ERC1: variants seen among roughly 807,000 people sequenced by gnomAD.
ERC1 encodes RAB6 interacting protein 2.
A neutral mutation model predicts 132.0 loss-of-function variants in ERC1; 56 were observed. The ratio of observed to expected loss-of-function variants is 0.42; its 90% CI spans 0.34 to 0.53. ERC1 has a LOEUF of 0.53. ERC1 is among the 20% of genes least tolerant of loss of function. ERC1 has a pLI of 0.03. For missense variants in ERC1, 1,202 were observed against 1,349.9 expected (o/e 0.89, Z 1.72); for synonymous variants, 478 against 476.1 (o/e 1.00, Z -0.05).
Position 1,110,355 on chromosome 12 carries a change from C to A in ERC1, c.1317+8C>A, listed in dbSNP as rs1309638367. 5 of 1,582,268 alleles carry A rather than the reference C, an allele frequency of 3.2e-6. No homozygotes were observed. In the African/African-American group the frequency reaches 5.5e-5, roughly 17 times the overall value. On this transcript the variant is annotated splice_region_variant and intron_variant, in intron 5 of 18. Transcript: ENST00000360905. ...AAATTTATGAAAAATAAGGTAATGG[C>A]ATGTGAGACTTTTGATTCTTAAAAG...
chr12:1,138,302 ATGT>A (rs1420685174), intron 7 of ERC1, among the ~76,000 whole-genome samples: 1 of 138,196 alleles, frequency 7.2e-6, no homozygotes, highest in Non-Finnish European at 1.5e-5. Flanking sequence ...TATATAATAT[ATGT>A]TGTATATAAT....
chr12:1,105,482 C>T (rs1945150164), intron 4 of ERC1, among the ~76,000 whole-genome samples: 1 of 152,116 alleles, frequency 6.6e-6, no homozygotes, highest in Admixed American at 6.5e-5. Context: ...CTCAGCCTCC[C>T]AAGTAGCTGG....
At chr12:1,380,496 A>G (rs1436436628) in intron 16 of ERC1, 1 of 152,242 alleles carries the variant, frequency 6.6e-6, no homozygotes, top group Non-Finnish European at 1.5e-5. Flanking sequence ...ACTCACACTC[A>G]GTCTTTAGGA....
At chr12:1,433,104 C>T (rs552701972) in intron 17 of ERC1, among the ~76,000 whole-genome samples, 8 of 152,188 alleles carry the variant, frequency 5.3e-5, no homozygotes, top group Middle Eastern at 3.4e-3. Context: ...CCACAGCAGC[C>T]GTTGCCAAAG....
chr12:1,082,527 T>C (rs1308943978), intron 2 of ERC1, among the ~76,000 whole-genome samples: 1 of 149,518 alleles, frequency 6.7e-6, no homozygotes, highest in Non-Finnish European at 1.5e-5. Flanking sequence ...TTCACTCTTG[T>C]TGCCCAGGCT....
chr12:1,268,474 A>G (rs901331894), intron 14 of ERC1, among the ~76,000 whole-genome samples: 9 of 152,188 alleles, frequency 5.9e-5, no homozygotes, highest in Non-Finnish European at 1.3e-4. Flanking sequence ...TGAACTTACA[A>G]TTATGGTTCT....
At chr12:1,468,332 G>A (rs1395545393) in intron 18 of ERC1, among the ~76,000 whole-genome samples, 1 of 152,164 alleles carries the variant, frequency 6.6e-6, no homozygotes, top group African/African-American at 2.4e-5. Context: ...GCCAGGTGCA[G>A]CGACTCACGC....
chr12:1,238,325 C>T (rs1023401662), intron 13 of ERC1, among the ~76,000 whole-genome samples: 3 of 152,046 alleles, frequency 2.0e-5, no homozygotes, highest in Non-Finnish European at 4.4e-5. Context: ...AGGTTTTCCT[C>T]CCATGGATTT....
chr12:1,116,245 T>C, intron 7 of ERC1: 1 of 416,916 alleles, frequency 2.4e-6, no homozygotes, highest in South Asian at 8.2e-5. Context: ...CAGTTTATGT[T>C]TTTAATTCTT....
chr12:1,372,214 T>A (rs1294187055), intron 16 of ERC1, among the ~76,000 whole-genome samples: 1 of 152,212 alleles, frequency 6.6e-6, no homozygotes. Flanking sequence ...TCTATGAGAA[T>A]GTTTTTTAAC....
At chr12:1,440,266 G>A (rs1042111908) in intron 17 of ERC1, among the ~76,000 whole-genome samples, 2 of 139,708 alleles carry the variant, frequency 1.4e-5, no homozygotes, top group Non-Finnish European at 3.0e-5. Flanking sequence ...GTGCAGTGGT[G>A]CCATCTCGGC....
At position 1,411,870 on chromosome 12, in the gene ERC1, G is replaced by A. The variant is rs373137590; in HGVS notation, c.3024+3623G>A. On this transcript the variant is annotated intron_variant, in intron 17 of 18. Transcript: ENST00000360905. ...AGCCTGTTGGTATTCTAGGAAACAGGCCTATAGGTAACTTCACCAGGAGAC... is the reference window on the plus strand; with the variant it reads ...AGCCTGTTGGTATTCTAGGAAACAGACCTATAGGTAACTTCACCAGGAGAC... 3.3e-5 allele frequency among the ~76,000 whole-genome samples: 5 copies of A among 151,912 alleles called. No individual in the cohort carries two copies. In the East Asian group the frequency reaches 7.7e-4, roughly 23 times the overall value.
chr12:1,018,971 A>T (rs539695463), intron 1 of ERC1, among the ~76,000 whole-genome samples: 5 of 152,206 alleles, frequency 3.3e-5, no homozygotes, highest in African/African-American at 7.2e-5. Flanking sequence ...GAAGAAGGTC[A>T]TGGAAACCAG....
intron 8 of ERC1, among the ~76,000 whole-genome samples, chr12:1,159,803 C>A (rs1367830020): frequency 6.6e-6 from 1 of 152,048 alleles, no homozygotes; most frequent in Non-Finnish European, 1.5e-5. Flanking sequence ...GATTCATGTT[C>A]CGTTCACGGC....
At chr12:1,489,448 G>C (rs1236605352) in intron 18 of ERC1, among the ~76,000 whole-genome samples, 1 of 152,198 alleles carries the variant, frequency 6.6e-6, no homozygotes, top group Non-Finnish European at 1.5e-5. Context: ...ACCTAAATGT[G>C]TCTTCAGGAC....
intron 15 of ERC1, among the ~76,000 whole-genome samples, chr12:1,333,206 G>A (rs2083018036): frequency 1.3e-5 from 2 of 151,832 alleles, no homozygotes; most frequent in East Asian, 1.9e-4. Context: ...TGTGGTATTT[G>A]GTTTTCTGTT....
intron 12 of ERC1, among the ~76,000 whole-genome samples, chr12:1,218,101 C>T (rs1958594437): frequency 6.6e-6 from 1 of 152,200 alleles, no homozygotes; most frequent in African/African-American, 2.4e-5. Context: ...AATCCTTCGC[C>T]TCCACTCAAA....
chr12:1,429,789 A>G (rs544658605), intron 17 of ERC1, among the ~76,000 whole-genome samples: 1 of 152,350 alleles, frequency 6.6e-6, no homozygotes, highest in East Asian at 1.9e-4. Context: ...AATTTTAGAT[A>G]AGGACATTTG....
At chr12:1,138,458 C>G (rs1949568351) in intron 7 of ERC1, among the ~76,000 whole-genome samples, 1 of 147,428 alleles carries the variant, frequency 6.8e-6, no homozygotes, top group South Asian at 2.1e-4. Flanking sequence ...TTATTAAGTT[C>G]TATAAGTAGA....
Sources: allele counts gnomAD v4.1 joint callset (sites outside exome capture counted in the v4.1 genomes callset), GRCh38; gene constraint gnomAD v4.1.1; transcripts MANE v1.5; gene names NCBI Gene and HGNC (gene_info 2026-07-23, HGNC 2026-07-21).